The following PIK3R5 variants were observed in gnomAD, a reference collection of about 807,000 sequenced individuals.
PIK3R5 encodes phosphoinositide-3-kinase regulatory subunit 5.
PIK3R5 carries 32 observed loss-of-function variants against 94.9 expected under a neutral mutation model. That is an observed-to-expected ratio of 0.34 (90% CI 0.25 to 0.45). The LOEUF (loss-of-function observed/expected upper bound fraction) is 0.45. Among genes scored for constraint, PIK3R5 ranks in the 20% least tolerant of loss-of-function variants. PIK3R5 has a pLI of 1.00. For synonymous variants in PIK3R5, 443 were observed against 479.4 expected (o/e 0.92, Z 0.99); for missense variants, 853 against 1,144.6 (o/e 0.75, Z 3.68).
chr17:8,955,688 C>G lies in PIK3R5; in HGVS notation c.-14+9908G>C, dbSNP rs932697792. ...ATGGGGAAGTGAGAGAAACAAGAGC[C>G]ATGGAGAAAGGAAGCACCATCAAAA... On this transcript the variant is annotated intron_variant, in intron 1 of 18. Coordinates refer to ENST00000447110, the MANE Select transcript of PIK3R5 (RefSeq NM_001142633.3). This position sits in a 1 kb window ranked among gnomAD's most constrained non-coding sequence, Gnocchi z 4.4. Among the ~76,000 whole-genome samples, 2 of 152,042 alleles carry G rather than the reference C, an allele frequency of 1.3e-5. No individual in the cohort carries two copies. The highest frequency in any genetic ancestry group is 4.8e-5 in the African/African-American group (2 of 41,390).
rs867419904 is a variant in PIK3R5, at chr17:8,880,752, T to C, written c.2530A>G (p.Ser844Gly). The C allele has an allele frequency of 1.7e-5, 27 of 1,613,698 alleles. 1 individual carries two copies. The Admixed American group carries it at 3.7e-4, about 22-fold the overall frequency. Reference sequence around the variant, plus strand: ...GTCTGGGGTGGTGAGGAGAGGTCGCTCTTCTCTGGCTTGTAGCACGGTGAG... The same window carrying C: ...GTCTGGGGTGGTGAGGAGAGGTCGCCCTTCTCTGGCTTGTAGCACGGTGAG... ...EVSPCYKPEKSDLSSPPQTPP... is the reference protein window; with the variant it reads ...EVSPCYKPEKGDLSSPPQTPP... The change falls in exon 19 of 19, where the codon AGC becomes GGC. Residue 844 changes from serine to glycine, a missense_variant. By Grantham distance (56) the Ser-to-Gly change is moderately conservative. This residue lies in a region of PIK3R5 where 91 missense variants were observed against 90.5 expected (regional missense o/e 1.01). Coordinates refer to ENST00000447110, the MANE Select transcript of PIK3R5 (RefSeq NM_001142633.3).
chr17:8,908,572 C>A (rs191255011), intron 3 of PIK3R5, among the ~76,000 whole-genome samples: 16 of 149,144 alleles, frequency 1.1e-4, no homozygotes, highest in African/African-American at 3.5e-4. Flanking sequence ...CACACACACA[C>A]AACCATAAAA....
intron 1 of PIK3R5, among the ~76,000 whole-genome samples, chr17:8,949,214 G>A (rs1051312722): frequency 2.0e-5 from 3 of 152,206 alleles, no homozygotes; most frequent in African/African-American, 7.2e-5. Flanking sequence ...TATCTGCCAA[G>A]CTAAGTGCTT....
chr17:8,904,984 TCTG>T lies in PIK3R5; in HGVS notation c.274-72_274-70del. ...AAGGCTCAGATAGTCCCAGACAGCT[TCTG>T]CTCCCTTTCTGGAATATTCCACAAA... On this transcript the variant is annotated intron_variant, in intron 4 of 18. Transcript: ENST00000447110. This position sits in a 1 kb window ranked among gnomAD's most constrained non-coding sequence, Gnocchi z 5.1. 1 of 1,494,484 alleles carries T rather than the reference TCTG, an allele frequency of 6.7e-7. No individual in the cohort carries two copies. The highest frequency in any genetic ancestry group is 1.7e-4 in the Middle Eastern group (1 of 5,764). 92.6% of individuals were successfully genotyped at this position (1,494,484 alleles called of 1,614,324 possible).
chr17:8,885,073 G>A (rs1003581575), intron 14 of PIK3R5: 8 of 412,062 alleles, frequency 1.9e-5, no homozygotes, highest in African/African-American at 1.7e-4. Flanking sequence ...CCTTCCCAGG[G>A]TCCTGCCTCT....
At chr17:8,895,002 T>C (rs2090119685) in intron 5 of PIK3R5, among the ~76,000 whole-genome samples, 1 of 152,220 alleles carries the variant, frequency 6.6e-6, no homozygotes, top group African/African-American at 2.4e-5. Flanking sequence ...GCTTTGATTT[T>C]TGGCCTTTTG....
rs143291414 is a variant in PIK3R5, at chr17:8,890,774, G to A, written c.621C>T (p.Ala207=). 2.6e-5 allele frequency: 42 copies of A among 1,612,146 alleles called. 1 individual carries two copies. Among genetic ancestry groups the A allele is most frequent in the South Asian group, 2.2e-4 (20 of 90,662 alleles). ...AGTGCAGGCCCGGGACGTCACAGTG[G>A]GCCCCAAAGGTGGCCTGGAAGGCGT... ...LLHAFQATFG[A]HCDVPGLHCR... The change falls in exon 7 of 19, where the codon GCC becomes GCT. Residue 207 remains alanine (A), a synonymous_variant. Transcript: ENST00000447110. This position sits in a 1 kb window ranked among gnomAD's most constrained non-coding sequence, Gnocchi z 6.1.
intron 1 of PIK3R5, among the ~76,000 whole-genome samples, chr17:8,962,557 C>T (rs2091585289): frequency 6.6e-6 from 1 of 152,170 alleles, no homozygotes; most frequent in African/African-American, 2.4e-5. Context: ...ACCTGTGTAT[C>T]GCTAACACAT....
intron 1 of PIK3R5, among the ~76,000 whole-genome samples, chr17:8,932,014 C>G (rs1289654202): frequency 2.6e-5 from 4 of 151,900 alleles, no homozygotes; most frequent in Non-Finnish European, 5.9e-5. Flanking sequence ...TCCATAATGC[C>G]TAGAATACAC....
chr17:8,936,273 C>T (rs2091074390), intron 1 of PIK3R5, among the ~76,000 whole-genome samples: 1 of 152,174 alleles, frequency 6.6e-6, no homozygotes, highest in African/African-American at 2.4e-5. Flanking sequence ...CAAGAGTAGT[C>T]ACTGAAGTCC....
At position 8,887,144 on chromosome 17, in the gene PIK3R5, C is replaced by G. The variant is rs751413134; in HGVS notation, c.1857G>C (p.Glu619Asp). The change falls in exon 12 of 19, where the codon GAG (glutamate) becomes GAC (aspartate). Residue 619 changes from glutamate (E) to aspartate (D), a missense_variant. By Grantham distance (45) the Glu-to-Asp change is conservative. Around this residue, in one of 6 missense-constraint regions of PIK3R5, gnomAD observed 173 missense variants for 274.1 expected, o/e 0.63. Coordinates refer to ENST00000447110, the MANE Select transcript of PIK3R5 (RefSeq NM_001142633.3). ...GGTGCATGAGGCCCAGTACATTGCGCTCATACCAGGGGTCCAGCATGCCGA... is the reference window on the plus strand; with the variant it reads ...GGTGCATGAGGCCCAGTACATTGCGGTCATACCAGGGGTCCAGCATGCCGA... Reference protein sequence around the residue: ...HYLGMLDPWYERNVLGLMHLP... With the variant: ...HYLGMLDPWYDRNVLGLMHLP... 3.1e-6 allele frequency: 5 copies of G among 1,614,028 alleles called. No homozygotes were observed. In the South Asian group the frequency reaches 5.5e-5, roughly 18 times the overall value.
At chr17:8,887,411 G>T in intron 11 of PIK3R5, 110 bp downstream of exon 11, 2 of 1,344,744 alleles carry the variant, frequency 1.5e-6, no homozygotes, top group South Asian at 1.4e-5. Flanking sequence ...GCCAGGCAGG[G>T]GGAGGTGCCC....
Position 8,887,560 on chromosome 17 carries a change from G to A in PIK3R5, c.1740C>T (p.Pro580=). The change falls in exon 11 of 19, where the codon CCC becomes CCT. Residue 580 remains proline, a synonymous_variant. Transcript: ENST00000447110. ...GCCTAGGGGAGTCTGTCGGGGGTGA[G>A]GGCGTCTGGCTCCGAGGGGGTGGAC... ...GACPPPRSQT[P]SPPTDSPRHA... 1.2e-6 allele frequency: 2 copies of A among 1,608,398 alleles called. No individual in the cohort carries two copies. Among genetic ancestry groups the A allele is most frequent in the Non-Finnish European group, 1.7e-6 (2 of 1,177,708 alleles).
At chr17:8,943,180 T>C (rs1051245726) in intron 1 of PIK3R5, among the ~76,000 whole-genome samples, 1 of 151,866 alleles carries the variant, frequency 6.6e-6, no homozygotes, top group Non-Finnish European at 1.5e-5. Flanking sequence ...GCTCAAATAA[T>C]CCTCCCACCT....
Position 8,911,280 on chromosome 17 carries a change from C to G in PIK3R5, c.103+112G>C. The G allele has an allele frequency of 1.2e-6, 1 of 800,404 alleles. No homozygotes were observed. Among genetic ancestry groups the G allele is most frequent in the Admixed American group, 2.0e-5 (1 of 48,948 alleles). 49.6% of individuals were successfully genotyped at this position (800,404 alleles called of 1,614,324 possible). On this transcript the variant is annotated intron_variant, in intron 2 of 18. Coordinates refer to ENST00000447110, the MANE Select transcript of PIK3R5 (RefSeq NM_001142633.3). The surrounding 1 kb of genome is among the most constrained non-coding windows in gnomAD (Gnocchi z 5.3). ...AAGGCTGAGGCTTGCCCAAGTCACACAGACAGGGTTTCACCTAGAATTTGC... is the reference window on the plus strand; with the variant it reads ...AAGGCTGAGGCTTGCCCAAGTCACAGAGACAGGGTTTCACCTAGAATTTGC...
intron 5 of PIK3R5, among the ~76,000 whole-genome samples, chr17:8,897,597 T>C (rs925162715): frequency 1.3e-5 from 2 of 152,222 alleles, no homozygotes; most frequent in Non-Finnish European, 2.9e-5. Flanking sequence ...GTAAGTCATA[T>C]GTGGCAGAGA....
Position 8,880,513 on chromosome 17 carries a change from C to A in PIK3R5, c.*126G>T. 1.0e-6 allele frequency: 1 copy of A among 982,088 alleles called. No homozygotes were observed. Among genetic ancestry groups the A allele is most frequent in the Non-Finnish European group, 1.4e-6 (1 of 696,836 alleles). The allele number at this position is 982,088 out of a possible 1,614,324, so 60.8% of individuals were successfully genotyped here. A position where few individuals can be genotyped will look rare whatever the true frequency, so the allele number is the denominator to read the frequency against. On this transcript the variant is annotated 3_prime_UTR_variant, in exon 19 of 19. Transcript: ENST00000447110. ...CTCTACTCCCAGCCCCTGCTCATTG[C>A]AGGACCCACAGTGGGACTATGGCTC...
intron 1 of PIK3R5, among the ~76,000 whole-genome samples, chr17:8,959,869 G>T (rs1017341991): frequency 2.6e-5 from 4 of 152,194 alleles, no homozygotes; most frequent in African/African-American, 4.8e-5. Context: ...CAGAATGAAG[G>T]CCTGGCAAAA....
intron 3 of PIK3R5, among the ~76,000 whole-genome samples, chr17:8,907,943 T>G (rs982448042): frequency 6.6e-6 from 1 of 152,264 alleles, no homozygotes; most frequent in African/African-American, 2.4e-5. Flanking sequence ...TGGCCTTACC[T>G]TTTGTTTTTT....
Sources: allele counts gnomAD v4.1 joint callset (sites outside exome capture counted in the v4.1 genomes callset), GRCh38; gene constraint gnomAD v4.1.1; regional missense constraint gnomAD v4.1.1; non-coding constraint Gnocchi (gnomAD v3.1); transcripts MANE v1.5; gene names NCBI Gene and HGNC (gene_info 2026-07-23, HGNC 2026-07-21).